The following ARAP3 variants were observed in gnomAD, a reference collection of about 807,000 sequenced individuals.
ARAP3 encodes ArfGAP with RhoGAP domain, ankyrin repeat and PH domain 3.
ARAP3 carries 82 observed loss-of-function variants against 169.2 expected under a neutral mutation model. The ratio of observed to expected loss-of-function variants is 0.48; its 90% CI spans 0.41 to 0.58. The LOEUF (loss-of-function observed/expected upper bound fraction) is 0.58. ARAP3 is among the 20% of genes least tolerant of loss of function. The probability of loss-of-function intolerance (pLI) is 0.00; values close to 1 mark genes in which losing one functional copy is unlikely to be tolerated. For synonymous variants in ARAP3, 791 were observed against 800.3 expected (o/e 0.99, Z 0.20); for missense variants, 1,764 against 2,018.0 (o/e 0.87, Z 2.41).
chr5:141,667,742 A>G (rs1446560611), intron 16 of ARAP3, among the ~76,000 whole-genome samples: 1 of 149,564 alleles, frequency 6.7e-6, no homozygotes. Flanking sequence ...CTGTATTTTC[A>G]TTAAAAATAA....
Position 141,680,073 on chromosome 5 carries a change from G to C in ARAP3, c.414C>G (p.Leu138=). 1.2e-6 allele frequency: 2 copies of C among 1,614,096 alleles called. No individual in the cohort carries two copies. The highest frequency in any genetic ancestry group is 1.7e-6 in the Non-Finnish European group (2 of 1,180,010). Residue 138 remains leucine (L), a synonymous_variant, in exon 2 of 33, where the codon CTC becomes CTG. Transcript: ENST00000239440. ...AAGACTGCTCAGAGGAGGAAGTGGG[G>C]AGAGGAGGAGGCCTTGGGCTGGGCT... ...SPEPSPRPPP[L]PTSSSEQSSA...
chr5:141,654,030 C>A lies in ARAP3; in HGVS notation c.4555G>T (p.Gly1519Cys). ...AAGCCAGGTGTCTGTGTTGGAAGGCCAGTGGGGCTGGGGGATTGGGGGCTG... is the reference window on the plus strand; with the variant it reads ...AAGCCAGGTGTCTGTGTTGGAAGGCAAGTGGGGCTGGGGGATTGGGGGCTG... The part of the protein sequence containing the change: ...PSSPQSPSPT[G>C]LPTQTPGFPT... The change falls in exon 33 of 33, where the codon GGC (glycine) becomes TGC (cysteine). Residue 1519 changes from glycine (G) to cysteine (C), a missense_variant. This residue lies in a region of ARAP3 where 1,112 missense variants were observed against 1,285.7 expected (regional missense o/e 0.86). Transcript: ENST00000239440. The A allele has an allele frequency of 6.3e-7, 1 of 1,585,702 alleles. No individual in the cohort carries two copies. The highest frequency in any genetic ancestry group is 8.6e-7 in the Non-Finnish European group (1 of 1,166,980).
At position 141,679,748 on chromosome 5, in the gene ARAP3, A is replaced by G; in HGVS notation, c.586+13T>C. ...CACTATCCCTCTCCCCCAACCCGTG[A>G]TAACCCAGTTACCTGTGCCTGTTGT... On this transcript the variant is annotated intron_variant, in intron 3 of 32. Transcript: ENST00000239440. 6.2e-7 allele frequency: 1 copy of G among 1,614,130 alleles called. No homozygotes were observed. Among genetic ancestry groups the G allele is most frequent in the Non-Finnish European group, 8.5e-7 (1 of 1,180,030 alleles).
At chr5:141,679,036 C>G (rs1383173727) in intron 4 of ARAP3, among the ~76,000 whole-genome samples, 1 of 152,144 alleles carries the variant, frequency 6.6e-6, no homozygotes, top group Non-Finnish European at 1.5e-5. Context: ...TGCCTGTAAT[C>G]CCAGCACTTT....
intron 4 of ARAP3, among the ~76,000 whole-genome samples, chr5:141,677,834 G>A (rs968486880): frequency 2.0e-5 from 3 of 152,076 alleles, no homozygotes; most frequent in African/African-American, 7.2e-5. Flanking sequence ...GTCCAGGATG[G>A]AGGGCAGTGG....
At position 141,655,258 on chromosome 5, in the gene ARAP3, A is replaced by ACACC. The variant is rs1491503001; in HGVS notation, c.4149+103_4149+104insGGTG. On this transcript the variant is annotated intron_variant, in intron 32 of 32. Coordinates refer to ENST00000239440, the MANE Select transcript of ARAP3 (RefSeq NM_022481.6). ...CACACACACACACACACACACACACACCCCCTGATGGCCTACATGAGGAAA... is the reference window on the plus strand; with the variant it reads ...CACACACACACACACACACACACACACACCCCCCCTGATGGCCTACATGAGGAAA... The ACACC allele has an allele frequency of 1.4e-3, 1,572 of 1,109,184 alleles. 6 individuals are homozygous for ACACC. The highest frequency in any genetic ancestry group is 5.8e-3 in the Middle Eastern group (27 of 4,672). The allele number at this position is 1,109,184 out of a possible 1,614,324, so 68.7% of individuals were successfully genotyped here.
intron 32 of ARAP3, among the ~76,000 whole-genome samples, chr5:141,654,742 T>TTC (rs143225658): frequency 8.3e-6 from 1 of 120,812 alleles, no homozygotes; most frequent in Non-Finnish European, 1.8e-5. Flanking sequence ...AACTTTTTCC[T>TTC]TTTTTTTTTT....
chr5:141,672,632 G>A lies in ARAP3; in HGVS notation c.1305C>T (p.Cys435=). The change falls in exon 9 of 33, where the codon TGC becomes TGT. Residue 435 remains cysteine, a synonymous_variant. Transcript: ENST00000239440. This position sits in a 1 kb window ranked among gnomAD's most constrained non-coding sequence, Gnocchi z 4.9. ...CGCTGCAGCCCTGCAGTTCGATGAAGCAGATCCCGATGCCCAGAGAGAAGG... is the reference window on the plus strand; with the variant it reads ...CGCTGCAGCCCTGCAGTTCGATGAAACAGATCCCGATGCCCAGAGAGAAGG... ...EQAFSLGIGI[C]FIELQGCSVR... 6.2e-7 allele frequency: 1 copy of A among 1,613,950 alleles called. No individual in the cohort carries two copies. The highest frequency in any genetic ancestry group is 1.3e-5 in the African/African-American group (1 of 75,070).
At chr5:141,660,207 C>A (rs1184466028) in intron 21 of ARAP3, among the ~76,000 whole-genome samples, 1 of 152,156 alleles carries the variant, frequency 6.6e-6, no homozygotes, top group Non-Finnish European at 1.5e-5. Flanking sequence ...AAAATATATA[C>A]ATGGGCCGGG....
At chr5:141,669,030 C>A (rs1271794285) in intron 16 of ARAP3, among the ~76,000 whole-genome samples, 1 of 152,208 alleles carries the variant, frequency 6.6e-6, no homozygotes, top group African/African-American at 2.4e-5. Context: ...GTCATCATCA[C>A]TACCATCATT....
At chr5:141,666,154 C>G (rs1262936861) in intron 17 of ARAP3, among the ~76,000 whole-genome samples, 1 of 152,036 alleles carries the variant, frequency 6.6e-6, no homozygotes, top group Non-Finnish European at 1.5e-5. Context: ...ATTTGAACCT[C>G]ACTACAACCC....
At chr5:141,670,925 G>C (rs2099911342) in intron 13 of ARAP3, among the ~76,000 whole-genome samples, 1 of 152,224 alleles carries the variant, frequency 6.6e-6, no homozygotes, top group Admixed American at 6.5e-5. Flanking sequence ...TCCTGTAAGG[G>C]TCTCAGCCCC....
chr5:141,673,382 A>C lies in ARAP3; in HGVS notation c.972+19T>G. The C allele has an allele frequency of 6.2e-7, 1 of 1,613,410 alleles. No homozygotes were observed. ...CCCTCTCCCTCATCTCCATATCGTCACATCTCCCAGCCCCCCACCTTGTCA... is the reference window on the plus strand; with the variant it reads ...CCCTCTCCCTCATCTCCATATCGTCCCATCTCCCAGCCCCCCACCTTGTCA... On this transcript the variant is annotated intron_variant, in intron 6 of 32. Coordinates refer to ENST00000239440, the MANE Select transcript of ARAP3 (RefSeq NM_022481.6).
Position 141,665,019 on chromosome 5 carries a change from C to T in ARAP3, c.2703G>A (p.Ala901=), listed in dbSNP as rs146635916. 1.2e-3 allele frequency: 1,871 copies of T among 1,614,034 alleles called. 20 individuals are homozygous for T. In the African/African-American group the frequency reaches 0.022, roughly 19 times the overall value. ...FTAWNAAIGG[A]AGGGGTGLQE... ...GCAGCCCTGTGCCGCCCCCACCAGCCGCGCCCCCAATGGCTGCGTTCCATG... is the reference window on the plus strand; with the variant it reads ...GCAGCCCTGTGCCGCCCCCACCAGCTGCGCCCCCAATGGCTGCGTTCCATG... The change falls in exon 19 of 33, where the codon GCG becomes GCA. Residue 901 remains alanine (A), a synonymous_variant. Transcript: ENST00000239440.
chr5:141,659,440 C>G lies in ARAP3; in HGVS notation c.3304G>C (p.Val1102Leu), dbSNP rs2099909653. The G allele has an allele frequency of 6.2e-7, 1 of 1,614,110 alleles. No individual in the cohort carries two copies. The highest frequency in any genetic ancestry group is 8.5e-7 in the Non-Finnish European group (1 of 1,180,052). The change falls in exon 23 of 33, where the codon GTC (valine) becomes CTC (leucine). Residue 1102 changes from valine (V) to leucine (L), a missense_variant. Around this residue, in one of 3 missense-constraint regions of ARAP3, gnomAD observed 1,112 missense variants for 1,285.7 expected, o/e 0.86. Coordinates refer to ENST00000239440, the MANE Select transcript of ARAP3 (RefSeq NM_022481.6). ...SDQVAQIDLEVSLITTWKDVQ... is the reference protein window; with the variant it reads ...SDQVAQIDLELSLITTWKDVQ... ...TCCTTCCAGGTGGTGATAAGACTGA[C>G]CTCCAAGTCAATCTGAGCTACCTGG... is the stretch of plus-strand genomic sequence containing the variant.
At chr5:141,680,735 C>T in intron 1 of ARAP3, 1 of 683,724 alleles carries the variant, frequency 1.5e-6, no homozygotes, top group Non-Finnish European at 2.3e-6. Flanking sequence ...GGGGAAGGGG[C>T]TTGCCCCAGG....
intron 19 of ARAP3, 116 bp downstream of exon 19, chr5:141,664,806 G>T: frequency 7.7e-7 from 1 of 1,297,638 alleles, no homozygotes; most frequent in Non-Finnish European, 1.1e-6. Flanking sequence ...GTTTCTGGAG[G>T]CAAAGCTCTT....
chr5:141,656,674 A>T, intron 26 of ARAP3, 37 bp from the exon 27 acceptor site: 9 of 1,613,296 alleles, frequency 5.6e-6, no homozygotes, highest in Non-Finnish European at 7.6e-6. Context: ...GGAGGATGCT[A>T]GGGGAGAGAC....
At chr5:141,655,828 G>C (rs2099909198) in intron 30 of ARAP3, 41 bp downstream of exon 30, 3 of 1,614,112 alleles carry the variant, frequency 1.9e-6, no homozygotes, top group Non-Finnish European at 2.5e-6. Flanking sequence ...GGGCCCCAGG[G>C]GGACCACAGA....
Sources: gnomAD v4.1 joint callset for allele counts (sites outside exome capture counted in the v4.1 genomes callset) on GRCh38, gnomAD v4.1.1 for gene constraint, gnomAD v4.1.1 regional missense constraint, Gnocchi (gnomAD v3.1) non-coding constraint, MANE v1.5 for transcripts, NCBI Gene and HGNC (gene_info 2026-07-23, HGNC 2026-07-21) for gene names.